Variants in SLC2A13 observed in about 807,000 individuals in gnomAD.
SLC2A13 encodes solute carrier family 2 member 13, also known as proton myo-inositol cotransporter.
A neutral mutation model predicts 64.4 loss-of-function variants in SLC2A13; 32 were observed. That is an observed-to-expected ratio of 0.50 (90% CI 0.37 to 0.67). The LOEUF (loss-of-function observed/expected upper bound fraction) is 0.67, where lower values mean the gene tolerates loss of function less well. Ranked by LOEUF, SLC2A13 falls within the 30% of genes least tolerant of loss-of-function variation. The probability of loss-of-function intolerance (pLI) is 0.00; values close to 1 mark genes in which losing one functional copy is unlikely to be tolerated. For synonymous variants in SLC2A13, 338 were observed against 327.1 expected, an observed-to-expected ratio of 1.03 and a Z score of -0.36; for missense variants, 743 against 829.2, an observed-to-expected ratio of 0.90 and a Z score of 1.28.
chr12:39,967,834 C>A (rs1314023125), intron 3 of SLC2A13, among the ~76,000 whole-genome samples: 1 of 152,014 alleles, frequency 6.6e-6, no homozygotes, highest in East Asian at 1.9e-4. Flanking sequence ...GCAAGGCAAG[C>A]TAAATTATTT....
chr12:40,088,547 G>A (rs1272989043), intron 1 of SLC2A13, among the ~76,000 whole-genome samples: 1 of 152,136 alleles, frequency 6.6e-6, no homozygotes, highest in African/African-American at 2.4e-5. Context: ...AGTGGGATTT[G>A]GGGGAGTTAG....
chr12:39,996,260 T>C (rs1175814353), intron 3 of SLC2A13, among the ~76,000 whole-genome samples: 1 of 152,192 alleles, frequency 6.6e-6, no homozygotes, highest in African/African-American at 2.4e-5. Context: ...TTGAGAGAGA[T>C]GATTTGTGGT....
chr12:39,869,199 GA>G (rs1427356130), intron 5 of SLC2A13, among the ~76,000 whole-genome samples: 1 of 152,264 alleles, frequency 6.6e-6, no homozygotes, highest in African/African-American at 2.4e-5. Context: ...GAATGTGAAA[GA>G]AAAATCAATT....
chr12:39,984,848 T>G (rs1946999441), intron 3 of SLC2A13, among the ~76,000 whole-genome samples: 4 of 152,176 alleles, frequency 2.6e-5, no homozygotes, highest in African/African-American at 9.7e-5. Context: ...TAGATAGCTT[T>G]TCACGTGCTC....
intron 3 of SLC2A13, among the ~76,000 whole-genome samples, chr12:40,025,418 G>GA (rs1947787317): frequency 2.6e-5 from 4 of 151,358 alleles, no homozygotes; most frequent in South Asian, 2.1e-4. Flanking sequence ...AAGTGAACAA[G>GA]AAAAAAAAAT....
intron 7 of SLC2A13, among the ~76,000 whole-genome samples, chr12:39,815,370 G>C (rs920408611): frequency 6.6e-6 from 1 of 152,174 alleles, no homozygotes; most frequent in African/African-American, 2.4e-5. Flanking sequence ...TTTTCAAACA[G>C]ACTGGCCTTC....
At chr12:40,060,631 G>A (rs1948403991) in intron 1 of SLC2A13, among the ~76,000 whole-genome samples, 1 of 152,130 alleles carries the variant, frequency 6.6e-6, no homozygotes, top group Non-Finnish European at 1.5e-5. Context: ...CTTTTCAACA[G>A]TAACAATGGA....
At chr12:39,922,063 A>G (rs1945623498) in intron 4 of SLC2A13, among the ~76,000 whole-genome samples, 1 of 152,156 alleles carries the variant, frequency 6.6e-6, no homozygotes, top group Non-Finnish European at 1.5e-5. Context: ...TATGCGATTT[A>G]TATTATGTAT....
intron 3 of SLC2A13, among the ~76,000 whole-genome samples, chr12:39,961,326 G>C (rs567438850): frequency 6.6e-6 from 1 of 152,002 alleles, no homozygotes; most frequent in Non-Finnish European, 1.5e-5. Context: ...TGATCTACCT[G>C]CCTCAGCCTC....
rs573576243 is a variant in SLC2A13 at position 40,026,685 on chromosome 12, G to A, written c.925+1616C>T. 3.9e-5 allele frequency among the ~76,000 whole-genome samples: 6 copies of A among 152,164 alleles called. No homozygotes were observed. In the East Asian group the frequency reaches 9.6e-4, roughly 24 times the overall value. ...CTTTATATAAATTAAGAAAAATACA[G>A]GCTCTAAATAGTATTTAACAATTTT... On this transcript the variant is annotated intron_variant, in intron 3 of 9. Coordinates refer to ENST00000280871, the MANE Select transcript of SLC2A13 (RefSeq NM_052885.4).
chr12:39,868,738 T>A (rs532205737), intron 5 of SLC2A13, among the ~76,000 whole-genome samples: 1 of 152,316 alleles, frequency 6.6e-6, no homozygotes, highest in East Asian at 1.9e-4. Context: ...ATCAAGAATT[T>A]GTCATTAAAT....
chr12:39,882,991 C>T (rs927143923), intron 4 of SLC2A13, among the ~76,000 whole-genome samples: 15 of 152,066 alleles, frequency 9.9e-5, no homozygotes, highest in African/African-American at 2.7e-4. Flanking sequence ...ATTTTTTAGG[C>T]GCTTAGTGTT....
At chr12:39,808,761 C>T (rs11173669) in intron 7 of SLC2A13, among the ~76,000 whole-genome samples, 8,559 of 152,080 alleles carry the variant, frequency 0.056, 285 homozygotes, top group East Asian at 0.14. Flanking sequence ...CTTTTGGCGT[C>T]TTTTGAAAGG....
intron 1 of SLC2A13, among the ~76,000 whole-genome samples, chr12:40,048,553 A>T (rs1948203762): frequency 6.6e-6 from 1 of 152,200 alleles, no homozygotes; most frequent in East Asian, 1.9e-4. Flanking sequence ...ATGATTACTG[A>T]AATATTTTTA....
At chr12:39,822,121 C>T (rs1411138963) in intron 7 of SLC2A13, among the ~76,000 whole-genome samples, 1 of 142,800 alleles carries the variant, frequency 7.0e-6, no homozygotes, top group Non-Finnish European at 1.5e-5. Context: ...TTCCTATGTC[C>T]ATGTGTTCTC....
chr12:39,999,609 G>C (rs1465959108), intron 3 of SLC2A13, among the ~76,000 whole-genome samples: 3 of 152,148 alleles, frequency 2.0e-5, no homozygotes, highest in African/African-American at 7.2e-5. Context: ...CCTGTTTTCT[G>C]TTGTTTGTTT....
intron 7 of SLC2A13, chr12:39,788,786 T>A (rs1941277505): frequency 6.6e-6 from 1 of 152,142 alleles, no homozygotes; most frequent in Non-Finnish European, 1.5e-5. Flanking sequence ...AGAATGCTGA[T>A]TTGTATTAGA....
At chr12:39,924,727 GA>G (rs1945686368) in intron 4 of SLC2A13, among the ~76,000 whole-genome samples, 1 of 151,974 alleles carries the variant, frequency 6.6e-6, no homozygotes, top group Non-Finnish European at 1.5e-5. Context: ...ATTTAAAACA[GA>G]GGCAGTATTT....
At chr12:39,818,711 G>T (rs1942407063) in intron 7 of SLC2A13, among the ~76,000 whole-genome samples, 1 of 152,106 alleles carries the variant, frequency 6.6e-6, no homozygotes, top group Non-Finnish European at 1.5e-5. Flanking sequence ...TATACAGAAA[G>T]TTCTTAAAGT....
Sources: gnomAD v4.1 joint callset for allele counts (sites outside exome capture counted in the v4.1 genomes callset) on GRCh38, gnomAD v4.1.1 for gene constraint, MANE v1.5 for transcripts, NCBI Gene and HGNC (gene_info 2026-07-23, HGNC 2026-07-21) for gene names.